DIAPH2: variants seen among roughly 807,000 people sequenced by gnomAD.
The protein encoded by DIAPH2 is protein diaphanous homolog 2.
DIAPH2 carries 35 observed loss-of-function variants against 92.7 expected under a neutral mutation model. The ratio of observed to expected loss-of-function variants is 0.38; its 90% confidence interval spans 0.29 to 0.50. The LOEUF (loss-of-function observed/expected upper bound fraction) is 0.50. Ranked by LOEUF, DIAPH2 falls within the 20% of genes least tolerant of loss-of-function variation. DIAPH2 has a pLI of 0.94. For missense variants in DIAPH2, 701 were observed against 819.5 expected (o/e 0.86, Z 1.77); for synonymous variants, 301 against 280.4 (o/e 1.07, Z -0.73).
chrX:97,357,471 C>A (rs1018073897), intron 24 of DIAPH2, among the ~76,000 whole-genome samples: 1 of 106,259 alleles, frequency 9.4e-6, no homozygotes, highest in Non-Finnish European at 1.9e-5. Flanking sequence ...TCTTCTCCCC[C>A]CTCCTTCCAG....
chrX:96,995,531 A>C (rs2066099187), intron 17 of DIAPH2, among the ~76,000 whole-genome samples: 1 of 111,673 alleles, frequency 9.0e-6, no homozygotes. Context: ...ATTCTCAGCC[A>C]CATTTCAAAA....
chrX:96,938,055 A>G (rs998293932), intron 11 of DIAPH2, among the ~76,000 whole-genome samples: 9 of 111,182 alleles, frequency 8.1e-5, no homozygotes, highest in Non-Finnish European at 1.1e-4. Context: ...TTTTTTCTCA[A>G]TGATGTTTTC....
intron 9 of DIAPH2, among the ~76,000 whole-genome samples, chrX:96,927,471 T>C: frequency 9.1e-6 from 1 of 110,446 alleles, no homozygotes; most frequent in Non-Finnish European, 1.9e-5. Context: ...GATCTCTTTT[T>C]TTCTTTAAAA....
chrX:96,844,761 A>G (rs1012861745), intron 4 of DIAPH2, among the ~76,000 whole-genome samples: 6 of 111,512 alleles, frequency 5.4e-5, no homozygotes, highest in African/African-American at 1.3e-4. Context: ...GTTTTCAGGG[A>G]TATTTAGCAT....
intron 20 of DIAPH2, among the ~76,000 whole-genome samples, chrX:97,106,974 G>A (rs2066946379): frequency 9.0e-6 from 1 of 111,582 alleles, no homozygotes; most frequent in Non-Finnish European, 1.9e-5. Context: ...CCTCAAACAT[G>A]TTTTCAGAAA....
chrX:97,127,867 G>A (rs2067103920), intron 21 of DIAPH2, among the ~76,000 whole-genome samples: 1 of 111,529 alleles, frequency 9.0e-6, no homozygotes, highest in Admixed American at 9.5e-5. Flanking sequence ...GATTAGCTGA[G>A]TGGGGTGGTG....
intron 9 of DIAPH2, 22 bp from the exon 10 acceptor site, chrX:96,930,710 CA>C: frequency 8.6e-7 from 1 of 1,160,638 alleles, no homozygotes; most frequent in Non-Finnish European, 1.2e-6. Context: ...TTTTTTAAAA[CA>C]AAATTTGCTT....
chrX:97,145,106 T>C (rs2067235886), intron 22 of DIAPH2, among the ~76,000 whole-genome samples: 1 of 112,069 alleles, frequency 8.9e-6, no homozygotes, highest in African/African-American at 3.2e-5. Context: ...TACCTATTAG[T>C]TCTATAATTT....
chrX:97,199,835 G>A (rs2067732941), intron 22 of DIAPH2, among the ~76,000 whole-genome samples: 1 of 111,715 alleles, frequency 9.0e-6, no homozygotes, highest in Non-Finnish European at 1.9e-5. Context: ...TTGGTCTGTT[G>A]TATTTCCTTT....
chrX:97,277,615 AC>A (rs745696983), intron 23 of DIAPH2, among the ~76,000 whole-genome samples: 32 of 111,200 alleles, frequency 2.9e-4, no homozygotes, highest in African/African-American at 1.0e-3. Context: ...TTCCCTGAAG[AC>A]CTAGCTGAGT....
At chrX:97,338,342 G>C (rs1310361744) in intron 23 of DIAPH2, among the ~76,000 whole-genome samples, 1 of 111,760 alleles carries the variant, frequency 8.9e-6, no homozygotes, top group African/African-American at 3.2e-5. Flanking sequence ...TGGTTTGTAA[G>C]TTTCACATAT....
intron 4 of DIAPH2, among the ~76,000 whole-genome samples, chrX:96,778,378 A>T (rs1351175422): frequency 9.1e-6 from 1 of 110,439 alleles, no homozygotes; most frequent in Non-Finnish European, 1.9e-5. Flanking sequence ...TGTTAACATT[A>T]TGTTATATTT....
At chrX:97,499,806 G>A (rs752727777) in intron 26 of DIAPH2, among the ~76,000 whole-genome samples, 29 of 112,385 alleles carry the variant, frequency 2.6e-4, no homozygotes, top group Non-Finnish European at 5.1e-4. Context: ...GAATCAACAT[G>A]TCTTTCTTTC....
chrX:97,308,196 A>G (rs1238161880), intron 23 of DIAPH2, among the ~76,000 whole-genome samples: 1 of 111,946 alleles, frequency 8.9e-6, no homozygotes, highest in Non-Finnish European at 1.9e-5. Context: ...AGCAATGACT[A>G]AAAAAATACT....
chrX:97,353,778 C>A (rs778159514), intron 24 of DIAPH2, among the ~76,000 whole-genome samples: 1 of 111,105 alleles, frequency 9.0e-6, no homozygotes, highest in South Asian at 3.8e-4. Context: ...GTAATCATAG[C>A]GTTTTATGCC....
intron 24 of DIAPH2, among the ~76,000 whole-genome samples, chrX:97,376,325 C>G (rs773603971): frequency 9.0e-6 from 1 of 111,562 alleles, no homozygotes; most frequent in African/African-American, 3.3e-5. Context: ...TTTATTTTAC[C>G]TCTATCTTTT....
intron 9 of DIAPH2, among the ~76,000 whole-genome samples, chrX:96,928,755 C>T (rs1407155418): frequency 9.0e-6 from 1 of 111,217 alleles, no homozygotes; most frequent in Non-Finnish European, 1.9e-5. Context: ...ACTGACTTCA[C>T]AATATCTCCT....
At chrX:96,794,364 A>G (rs2064523762) in intron 4 of DIAPH2, among the ~76,000 whole-genome samples, 1 of 111,421 alleles carries the variant, frequency 9.0e-6, no homozygotes, top group South Asian at 3.8e-4. Context: ...TAGGCATTCA[A>G]GAAAGGTATG....
chrX:96,945,647 T>C, intron 14 of DIAPH2, 56 bp downstream of exon 14: 2 of 824,385 alleles, frequency 2.4e-6, no homozygotes, highest in Non-Finnish European at 3.3e-6. Flanking sequence ...ATCACAGTAA[T>C]ACTCTACCTT....
Sources: allele counts gnomAD v4.1 joint callset (sites outside exome capture counted in the v4.1 genomes callset), GRCh38; gene constraint gnomAD v4.1.1; transcripts MANE v1.5; gene names NCBI Gene and HGNC (gene_info 2026-07-23, HGNC 2026-07-21).